Variants in THSD7B observed in about 807,000 individuals in gnomAD.
THSD7B encodes thrombospondin type-1 domain-containing protein 7B.
In THSD7B, 138 loss-of-function variants were observed where a neutral mutation model predicts 213.6. That is an observed-to-expected ratio of 0.65 (90% CI 0.56 to 0.74). The LOEUF is 0.74. Among genes scored for constraint, THSD7B ranks in the 30% least tolerant of loss-of-function variants. The pLI, the probability that THSD7B is intolerant of heterozygous loss-of-function variation, is 0.00. For synonymous variants in THSD7B, 742 were observed against 687.0 expected (o/e 1.08, Z -1.25); for missense variants, 1,931 against 1,991.5 (o/e 0.97, Z 0.58).
intron 12 of THSD7B, among the ~76,000 whole-genome samples, chr2:137,315,535 A>G (rs1239944380): frequency 6.6e-6 from 1 of 151,566 alleles, no homozygotes; most frequent in Non-Finnish European, 1.5e-5. Context: ...CTCCTCCCCC[A>G]CTATATGTAT....
At chr2:137,331,848 C>T (rs896968959) in intron 12 of THSD7B, among the ~76,000 whole-genome samples, 3 of 152,168 alleles carry the variant, frequency 2.0e-5, no homozygotes, top group Non-Finnish European at 2.9e-5. Context: ...GCCGCTGGCC[C>T]GGGTGCTAAG....
intron 12 of THSD7B, among the ~76,000 whole-genome samples, chr2:137,399,195 CTT>C (rs1247428282): frequency 2.7e-4 from 26 of 97,990 alleles, no homozygotes; most frequent in Admixed American, 4.0e-4. Flanking sequence ...CTCCCCACCC[CTT>C]TTTTTTTTTT....
chr2:137,185,944 G>T (rs1279186668), intron 7 of THSD7B, among the ~76,000 whole-genome samples: 2 of 152,102 alleles, frequency 1.3e-5, no homozygotes, highest in Non-Finnish European at 2.9e-5. Context: ...TGACTAAGAT[G>T]GTGTCTCATT....
intron 20 of THSD7B, among the ~76,000 whole-genome samples, chr2:137,636,326 G>C (rs1446435769): frequency 6.6e-6 from 1 of 152,152 alleles, no homozygotes; most frequent in Non-Finnish European, 1.5e-5. Context: ...AAAGATTAAA[G>C]GGAGCCCTTG....
intron 12 of THSD7B, among the ~76,000 whole-genome samples, chr2:137,381,749 A>G (rs1027938144): frequency 1.1e-4 from 16 of 152,218 alleles, no homozygotes; most frequent in Admixed American, 5.2e-4. Flanking sequence ...TTGTGGAGAC[A>G]GTTGTCTTTG....
At chr2:137,357,678 GTC>G (rs1360504352) in intron 12 of THSD7B, among the ~76,000 whole-genome samples, 1 of 152,168 alleles carries the variant, frequency 6.6e-6, no homozygotes, top group African/African-American at 2.4e-5. Context: ...AGCCTAACTT[GTC>G]TCTCTCTTTT....
chr2:137,453,227 T>C (rs1687686968), intron 15 of THSD7B, among the ~76,000 whole-genome samples: 1 of 152,084 alleles, frequency 6.6e-6, no homozygotes, highest in African/African-American at 2.4e-5. Flanking sequence ...CAAAATGATG[T>C]GTAATTTATG....
At chr2:137,255,582 C>T (rs1682287890) in intron 10 of THSD7B, among the ~76,000 whole-genome samples, 1 of 152,178 alleles carries the variant, frequency 6.6e-6, no homozygotes, top group Non-Finnish European at 1.5e-5. Flanking sequence ...TTTCCACTGC[C>T]TCCTTTACTT....
At chr2:137,166,459 G>T (rs1382287695) in intron 6 of THSD7B, among the ~76,000 whole-genome samples, 1 of 152,036 alleles carries the variant, frequency 6.6e-6, no homozygotes, top group Non-Finnish European at 1.5e-5. Context: ...AGGCAGAATT[G>T]CCCACTGAAG....
chr2:137,043,500 T>C (rs1200571117), intron 2 of THSD7B, among the ~76,000 whole-genome samples: 1 of 152,212 alleles, frequency 6.6e-6, no homozygotes, highest in East Asian at 1.9e-4. Flanking sequence ...AAAGGGTCTC[T>C]CACTGACATT....
chr2:137,035,696 C>A (rs1391751319), intron 2 of THSD7B, among the ~76,000 whole-genome samples: 1 of 151,992 alleles, frequency 6.6e-6, no homozygotes, highest in Non-Finnish European at 1.5e-5. Flanking sequence ...TGAAAATCCC[C>A]AGTGCTTTCT....
intron 2 of THSD7B, among the ~76,000 whole-genome samples, chr2:136,990,722 A>G (rs1685763686): frequency 6.6e-6 from 1 of 152,186 alleles, no homozygotes; most frequent in South Asian, 2.1e-4. Flanking sequence ...AGATTGAGGA[A>G]TCAGGGAAAT....
intron 10 of THSD7B, among the ~76,000 whole-genome samples, chr2:137,253,513 A>G (rs1285631405): frequency 6.6e-6 from 1 of 152,208 alleles, no homozygotes; most frequent in African/African-American, 2.4e-5. Flanking sequence ...GTTTCCTTCA[A>G]TATGAGTGTT....
intron 12 of THSD7B, among the ~76,000 whole-genome samples, chr2:137,284,140 G>C (rs1683109930): frequency 6.6e-6 from 1 of 152,120 alleles, no homozygotes; most frequent in Admixed American, 6.5e-5. Context: ...GAGTGTATGT[G>C]TCAAGGAATT....
chr2:137,406,586 T>C (rs1686523861), intron 13 of THSD7B, among the ~76,000 whole-genome samples: 1 of 152,230 alleles, frequency 6.6e-6, no homozygotes, highest in Non-Finnish European at 1.5e-5. Flanking sequence ...GATGACCATT[T>C]GTTCTCATGA....
chr2:136,888,895 G>T (rs993247124), intron 2 of THSD7B, among the ~76,000 whole-genome samples: 2 of 151,908 alleles, frequency 1.3e-5, no homozygotes, highest in Admixed American at 1.3e-4. Flanking sequence ...AATAAAATAT[G>T]AAAAATATCC....
At chr2:137,074,421 T>C (rs1443575241) in intron 3 of THSD7B, among the ~76,000 whole-genome samples, 2 of 152,168 alleles carry the variant, frequency 1.3e-5, no homozygotes, top group Non-Finnish European at 2.9e-5. Flanking sequence ...TGCCTTTTTT[T>C]GTTTTCCATT....
chr2:137,243,578 G>T (rs1451518547), intron 10 of THSD7B, among the ~76,000 whole-genome samples: 1 of 152,002 alleles, frequency 6.6e-6, no homozygotes, highest in Non-Finnish European at 1.5e-5. Flanking sequence ...TCAGAGGTTT[G>T]CTTTCCTTGG....
At chr2:137,568,233 A>C (rs577460680) in intron 16 of THSD7B, among the ~76,000 whole-genome samples, 1 of 152,156 alleles carries the variant, frequency 6.6e-6, no homozygotes, top group African/African-American at 2.4e-5. Flanking sequence ...GAGGAAGTGG[A>C]GATAGCAAAT....
Sources: allele counts gnomAD v4.1 joint callset (sites outside exome capture counted in the v4.1 genomes callset), GRCh38; gene constraint gnomAD v4.1.1; transcripts MANE v1.5; gene names NCBI Gene and HGNC (gene_info 2026-07-23, HGNC 2026-07-21).